Variants in EYS observed in about 807,000 individuals in gnomAD.
EYS encodes the protein EGF-like photoreceptor maintenance factor.
In EYS, 250 loss-of-function variants were observed where a neutral mutation model predicts 282.1. That is an observed-to-expected ratio of 0.89 (90% CI 0.80 to 0.98). EYS has a LOEUF of 0.98. EYS is among the 50% of genes least tolerant of loss of function. The pLI is 0.00. For missense variants in EYS, 4,016 were observed against 3,709.0 expected, an observed-to-expected ratio of 1.08 and a Z score of -2.15; for synonymous variants, 1,355 against 1,282.9, an observed-to-expected ratio of 1.06 and a Z score of -1.20.
intron 12 of EYS, among the ~76,000 whole-genome samples, chr6:65,281,856 G>C (rs1768228531): frequency 6.6e-6 from 1 of 151,996 alleles, no homozygotes; most frequent in East Asian, 1.9e-4. Context: ...TTTACCTATA[G>C]TTTTGTATTT....
At chr6:65,172,399 A>G (rs943607280) in intron 12 of EYS, among the ~76,000 whole-genome samples, 5 of 151,392 alleles carry the variant, frequency 3.3e-5, no homozygotes, top group African/African-American at 9.7e-5. Context: ...ACATACACCA[A>G]TAAGAATGCT....
At chr6:65,290,372 T>A (rs1272035429) in intron 12 of EYS, among the ~76,000 whole-genome samples, 1 of 151,090 alleles carries the variant, frequency 6.6e-6, no homozygotes, top group African/African-American at 2.4e-5. Context: ...ATACAAAAGA[T>A]GAAAAAAATT....
chr6:65,426,176 G>C (rs925392728), intron 5 of EYS, among the ~76,000 whole-genome samples: 3 of 151,960 alleles, frequency 2.0e-5, no homozygotes, highest in Non-Finnish European at 2.9e-5. Flanking sequence ...GTGGGTTCTT[G>C]CTACGTTGCT....
chr6:65,354,643 C>T (rs1472967910), intron 8 of EYS, among the ~76,000 whole-genome samples: 1 of 152,022 alleles, frequency 6.6e-6, no homozygotes, highest in Non-Finnish European at 1.5e-5. Flanking sequence ...GGGTGAAACC[C>T]TGTCTCTACT....
At chr6:64,216,794 G>A (rs752489433) in intron 31 of EYS, among the ~76,000 whole-genome samples, 1 of 152,166 alleles carries the variant, frequency 6.6e-6, no homozygotes, top group Non-Finnish European at 1.5e-5. Context: ...TGGCTGAACA[G>A]AACCCAAGAG....
intron 12 of EYS, among the ~76,000 whole-genome samples, chr6:65,061,885 C>T (rs559884587): frequency 6.6e-6 from 1 of 152,016 alleles, no homozygotes; most frequent in South Asian, 2.1e-4. Flanking sequence ...GTATCTCAAA[C>T]ATTCTATGCT....
chr6:64,191,556 C>T lies in EYS; in HGVS notation c.6424+39036G>A, dbSNP rs190102681. The stretch of plus-strand genomic sequence containing the variant: ...ATGTGTTCTCATTGTTCAATTCCCA[C>T]CTATGGGTGAGAATATGCGGTGTTT... On this transcript the variant is annotated intron_variant, in intron 31 of 42. Coordinates refer to ENST00000503581, the MANE Select transcript of EYS (RefSeq NM_001142800.2). 2.7e-3 allele frequency among the ~76,000 whole-genome samples: 412 copies of T among 150,892 alleles called. 2 individuals carry two copies. The highest frequency in any genetic ancestry group is 4.3e-3 in the Non-Finnish European group (295 of 67,834).
intron 19 of EYS, among the ~76,000 whole-genome samples, chr6:64,859,949 A>G (rs894301717): frequency 1.3e-5 from 2 of 152,164 alleles, no homozygotes; most frequent in African/African-American, 2.4e-5. Context: ...TATCTCTTCT[A>G]TCATTCACTT....
intron 5 of EYS, among the ~76,000 whole-genome samples, chr6:65,454,244 T>C (rs1464865511): frequency 6.6e-6 from 1 of 151,912 alleles, no homozygotes; most frequent in Non-Finnish European, 1.5e-5. Context: ...ATTGTGGTTT[T>C]GATTTGCATT....
chr6:64,441,815 G>A (rs1004638328), intron 26 of EYS, among the ~76,000 whole-genome samples: 1 of 152,148 alleles, frequency 6.6e-6, no homozygotes, highest in Non-Finnish European at 1.5e-5. Flanking sequence ...CTTCCACCAT[G>A]ATTATGAGGC....
At chr6:65,039,316 G>C (rs573327129) in intron 13 of EYS, among the ~76,000 whole-genome samples, 1 of 151,236 alleles carries the variant, frequency 6.6e-6, no homozygotes, top group Non-Finnish European at 1.5e-5. Flanking sequence ...TAAATTAATT[G>C]TATAAGTGTG....
intron 33 of EYS, among the ~76,000 whole-genome samples, chr6:64,031,134 C>T (rs1769808272): frequency 6.6e-6 from 1 of 152,236 alleles, no homozygotes; most frequent in Admixed American, 6.5e-5. Flanking sequence ...AGCTGGCTCC[C>T]TCAGCTTGCG....
At chr6:65,622,074 T>C (rs1766522523) in intron 2 of EYS, among the ~76,000 whole-genome samples, 1 of 152,156 alleles carries the variant, frequency 6.6e-6, no homozygotes, top group African/African-American at 2.4e-5. Context: ...TGAACAACTT[T>C]TCCAGTTTAT....
chr6:64,972,199 C>T (rs2150111642), intron 14 of EYS, among the ~76,000 whole-genome samples: 1 of 152,216 alleles, frequency 6.6e-6, no homozygotes, highest in Non-Finnish European at 1.5e-5. Flanking sequence ...TGCCAGAAAA[C>T]ATTTTGACAT....
intron 13 of EYS, among the ~76,000 whole-genome samples, chr6:65,001,662 C>T (rs1457088333): frequency 2.0e-5 from 3 of 148,044 alleles, no homozygotes; most frequent in Non-Finnish European, 4.5e-5. Flanking sequence ...GTACCTTCTT[C>T]TACCCAGTAT....
chr6:63,771,821 T>C (rs1769932206), intron 40 of EYS, among the ~76,000 whole-genome samples: 1 of 152,204 alleles, frequency 6.6e-6, no homozygotes, highest in Admixed American at 6.5e-5. Flanking sequence ...ATCTACACTC[T>C]TCAAATAAGT....
chr6:63,977,043 A>T (rs778417294), intron 35 of EYS, among the ~76,000 whole-genome samples: 1 of 151,760 alleles, frequency 6.6e-6, no homozygotes, highest in African/African-American at 2.4e-5. Context: ...GAGTTTTATT[A>T]TTACTCAAGT....
intron 12 of EYS, among the ~76,000 whole-genome samples, chr6:65,086,375 A>G (rs1774375052): frequency 6.6e-6 from 1 of 152,118 alleles, no homozygotes; most frequent in Non-Finnish European, 1.5e-5. Flanking sequence ...TAGCCAAAGC[A>G]GCTTCTTTCT....
intron 26 of EYS, among the ~76,000 whole-genome samples, chr6:64,532,591 C>A (rs1332205919): frequency 6.6e-6 from 1 of 152,012 alleles, no homozygotes; most frequent in Non-Finnish European, 1.5e-5. Context: ...CGCCCGTAGT[C>A]CCAGCTACTC....
Sources: gnomAD v4.1 joint callset for allele counts (sites outside exome capture counted in the v4.1 genomes callset) on GRCh38, gnomAD v4.1.1 for gene constraint, MANE v1.5 for transcripts, NCBI Gene and HGNC (gene_info 2026-07-23, HGNC 2026-07-21) for gene names.